Variants in SEPTIN2 observed in about 807,000 individuals in gnomAD.
The protein encoded by SEPTIN2 is septin-2.
Under a neutral mutation model 46.5 loss-of-function variants are expected in SEPTIN2, and 34 were observed. The observed-to-expected ratio is 0.73, with a 90% confidence interval of 0.56 to 0.97. The LOEUF is 0.97. Among genes scored for constraint, SEPTIN2 ranks in the 50% least tolerant of loss-of-function variants. The probability of loss-of-function intolerance (pLI) is 0.00; values close to 1 mark genes in which losing one functional copy is unlikely to be tolerated. For synonymous variants in SEPTIN2, 175 were observed against 153.4 expected, an observed-to-expected ratio of 1.14 and a Z score of -1.04; for missense variants, 347 against 448.4, an observed-to-expected ratio of 0.77 and a Z score of 2.04.
chr2:241,337,330 G>A lies in SEPTIN2; in HGVS notation c.342-52G>A, dbSNP rs369720165. 1.5e-5 allele frequency: 22 copies of A among 1,507,860 alleles called. No homozygotes were observed. The African/African-American group carries it at 3.0e-4, about 20-fold the overall frequency. The allele number at this position is 1,507,860 out of a possible 1,614,324, so 93.4% of individuals were successfully genotyped here. A position where few individuals can be genotyped will look rare whatever the true frequency, so the allele number is the denominator to read the frequency against. On this transcript the variant is annotated intron_variant, in intron 5 of 12. Coordinates refer to ENST00000391971, the MANE Select transcript of SEPTIN2 (RefSeq NM_004404.5). ...CACTTGTTTTCCCTTTGAAGTCAGGGACCCCCTGTTTTATACCCTATGATT... is the reference window on the plus strand; with the variant it reads ...CACTTGTTTTCCCTTTGAAGTCAGGAACCCCCTGTTTTATACCCTATGATT...
intron 3 of SEPTIN2, among the ~76,000 whole-genome samples, chr2:241,334,375 T>G (rs763251219): frequency 6.6e-6 from 1 of 152,142 alleles, no homozygotes; most frequent in Non-Finnish European, 1.5e-5. Context: ...AAAATTTAAT[T>G]TTTGGTATTT....
At chr2:241,338,881 C>CTATAATATATATTATATATATTATA (rs1559643979) in intron 7 of SEPTIN2, among the ~76,000 whole-genome samples, 34 of 54,990 alleles carry the variant, frequency 6.2e-4, no homozygotes, top group South Asian at 3.1e-3. Flanking sequence ...TTTAATATAT[C>CTATAATATATATTATATATATTATA]TATAATATAT....
chr2:241,317,251 T>G (rs2076476194), intron 1 of SEPTIN2, among the ~76,000 whole-genome samples: 1 of 152,220 alleles, frequency 6.6e-6, no homozygotes, highest in Non-Finnish European at 1.5e-5. Context: ...TGATGTGTAC[T>G]GTTATGTATA....
chr2:241,329,691 C>T (rs1031574631), intron 3 of SEPTIN2, among the ~76,000 whole-genome samples: 15 of 152,218 alleles, frequency 9.9e-5, no homozygotes, highest in Admixed American at 5.9e-4. Flanking sequence ...CATTTATAAC[C>T]TGATGCGTCT....
At chr2:241,324,168 T>C (rs2077561400) in intron 1 of SEPTIN2, 48 bp from the exon 2 acceptor site, 1 of 1,582,250 alleles carries the variant, frequency 6.3e-7, no homozygotes, top group Admixed American at 1.8e-5. Context: ...TATACATACA[T>C]ACTATGTATG....
intron 1 of SEPTIN2, among the ~76,000 whole-genome samples, chr2:241,318,009 T>G (rs1458144449): frequency 6.6e-6 from 1 of 152,124 alleles, no homozygotes; most frequent in Admixed American, 6.5e-5. Context: ...GGATCAAGGC[T>G]TTCTCACTGA....
At chr2:241,346,048 A>C in intron 9 of SEPTIN2, 118 bp from the exon 10 acceptor site, 4 of 672,276 alleles carry the variant, frequency 5.9e-6, no homozygotes, top group South Asian at 5.6e-5. Context: ...CTTTATGTAC[A>C]ATTTACCAAG....
At chr2:241,338,962 A>ATTATAAATATAATATATAAATATAT (rs2150097387) in intron 7 of SEPTIN2, among the ~76,000 whole-genome samples, 1 of 84,926 alleles carries the variant, frequency 1.2e-5, no homozygotes, top group South Asian at 2.9e-4. Flanking sequence ...TATAATATAT[A>ATTATAAATATAATATATAAATATAT]TTATAAATAT....
chr2:241,319,318 G>A lies in SEPTIN2; in HGVS notation c.-18+3336G>A, dbSNP rs2076808468. 3.9e-5 allele frequency among the ~76,000 whole-genome samples: 6 copies of A among 152,286 alleles called. No homozygotes were observed. In the South Asian group the frequency reaches 1.2e-3, roughly 32 times the overall value. On this transcript the variant is annotated intron_variant, in intron 1 of 12. Transcript: ENST00000391971. Reference sequence around the variant, plus strand: ...CTCGTATTTGCTTCATAATCATCCAGGCAGTGGCATTGATGATTGTGGAAA... The same window carrying A: ...CTCGTATTTGCTTCATAATCATCCAAGCAGTGGCATTGATGATTGTGGAAA...
chr2:241,338,289 G>C (rs2080367676), intron 7 of SEPTIN2, among the ~76,000 whole-genome samples: 1 of 152,056 alleles, frequency 6.6e-6, no homozygotes, highest in African/African-American at 2.4e-5. Context: ...TGTCTGTAAA[G>C]CCTCTTTATT....
chr2:241,346,537 G>A (rs753419603), intron 10 of SEPTIN2: 4 of 176,984 alleles, frequency 2.3e-5, no homozygotes, highest in South Asian at 1.6e-4. Flanking sequence ...TTGCCTGAGC[G>A]CAGGAGTTTT....
chr2:241,323,059 G>C (rs1162363836), intron 1 of SEPTIN2, among the ~76,000 whole-genome samples: 1 of 152,052 alleles, frequency 6.6e-6, no homozygotes, highest in Non-Finnish European at 1.5e-5. Context: ...TGTAGAGATA[G>C]GGTTTTGCTA....
intron 5 of SEPTIN2, 113 bp downstream of exon 5, chr2:241,336,211 C>T (rs769883194): frequency 9.3e-7 from 1 of 1,073,246 alleles, no homozygotes; most frequent in South Asian, 1.7e-5. Flanking sequence ...TATAATAAAA[C>T]ACCTAGACAA....
chr2:241,335,967 T>C lies in SEPTIN2; in HGVS notation c.218-8T>C. 6.2e-7 allele frequency: 1 copy of C among 1,614,166 alleles called. No homozygotes were observed. The highest frequency in any genetic ancestry group is 8.5e-7 in the Non-Finnish European group (1 of 1,180,010). ...TTATATTCCCTATTAAGTTTGTTTC[T>C]TTTCTAGAAAAAATTGAAAGAACTG... is the stretch of plus-strand genomic sequence containing the variant. On this transcript the variant is annotated splice_region_variant and splice_polypyrimidine_tract_variant and intron_variant, in intron 4 of 12. Transcript: ENST00000391971.
chr2:241,326,809 C>G (rs910158822), intron 3 of SEPTIN2, among the ~76,000 whole-genome samples: 1 of 152,308 alleles, frequency 6.6e-6, no homozygotes, highest in East Asian at 1.9e-4. Context: ...ATCCTCCAGG[C>G]CAGGCATGGC....
chr2:241,321,059 T>A (rs2077042600), intron 1 of SEPTIN2, among the ~76,000 whole-genome samples: 1 of 152,234 alleles, frequency 6.6e-6, no homozygotes, highest in African/African-American at 2.4e-5. Flanking sequence ...ACATTGACTG[T>A]AAAAATGTTT....
chr2:241,329,474 C>T (rs777810510), intron 3 of SEPTIN2, among the ~76,000 whole-genome samples: 1 of 152,134 alleles, frequency 6.6e-6, no homozygotes, highest in African/African-American at 2.4e-5. Context: ...TTTATTAAGC[C>T]AGCATTATCC....
intron 12 of SEPTIN2, 146 bp downstream of exon 12, chr2:241,350,349 C>T (rs564617779): frequency 1.7e-5 from 7 of 412,542 alleles, no homozygotes; most frequent in Non-Finnish European, 2.2e-5. Context: ...AGAGATTGCT[C>T]CTGAAAAACA....
At chr2:241,318,409 C>G (rs1454427238) in intron 1 of SEPTIN2, 1 of 152,188 alleles carries the variant, frequency 6.6e-6, no homozygotes, top group Non-Finnish European at 1.5e-5. Flanking sequence ...ACTTAAAGCT[C>G]ATTTTATCCA....
Sources: gnomAD v4.1 joint callset for allele counts (sites outside exome capture counted in the v4.1 genomes callset) on GRCh38, gnomAD v4.1.1 for gene constraint, MANE v1.5 for transcripts, NCBI Gene and HGNC (gene_info 2026-07-23, HGNC 2026-07-21) for gene names.